IQGAP3: variants seen among roughly 807,000 people sequenced by gnomAD.
The protein encoded by IQGAP3 is ras GTPase-activating-like protein IQGAP3.
In IQGAP3, 165 loss-of-function variants were observed where a neutral mutation model predicts 208.2. The ratio of observed to expected loss-of-function variants is 0.79; its 90% CI spans 0.70 to 0.90. The LOEUF (loss-of-function observed/expected upper bound fraction) is 0.90. Among genes scored for constraint, IQGAP3 ranks in the 40% least tolerant of loss-of-function variants. IQGAP3 has a pLI of 0.00. For synonymous variants in IQGAP3, 703 were observed against 803.6 expected, an observed-to-expected ratio of 0.87 and a Z score of 2.12; for missense variants, 1,811 against 2,043.1, an observed-to-expected ratio of 0.89 and a Z score of 2.19.
Position 156,534,720 on chromosome 1 carries a change from AG to A in IQGAP3, c.3520del (p.Leu1174SerfsTer7). 6.3e-7 allele frequency: 1 copy of A among 1,575,424 alleles called. No homozygotes were observed. The highest frequency in any genetic ancestry group is 8.6e-7 in the Non-Finnish European group (1 of 1,162,098). The part of the protein sequence containing the change: ...DSEVYKVVGN[L>X]LYYRFLNPAV... ...TGGGTTCAGGAAGCGGTAGTACAGG[AG>A]GTTCCCGACCACCTGAGGGCAAAGG... is the stretch of plus-strand genomic sequence containing the variant. On this transcript the variant is annotated frameshift_variant, in exon 29 of 38. Transcript: ENST00000361170. LOFTEE classifies it high-confidence loss of function.
Position 156,528,919 on chromosome 1 carries a change from G to A in IQGAP3, c.4568C>T (p.Ser1523Phe). ...AGTACGGGAAAGCAGCACCTACTTG[G>A]AGTCGGGGGCCAGGTGGTCCAGGCA... ...RACLDHLAPD[S>F]KSSGKGKKQP... Residue 1523 changes from serine (S) to phenylalanine (F), a missense_variant, in exon 35 of 38, where the codon TCC becomes TTC. Ser to Phe is a radical substitution (Grantham distance 155). Transcript: ENST00000361170. 6 of 1,614,220 alleles carry A rather than the reference G, an allele frequency of 3.7e-6. No individual in the cohort carries two copies. The highest frequency in any genetic ancestry group is 4.2e-6 in the Non-Finnish European group (5 of 1,180,034).
chr1:156,552,698 A>G (rs1260980284), intron 13 of IQGAP3, among the ~76,000 whole-genome samples: 2 of 152,190 alleles, frequency 1.3e-5, no homozygotes, highest in Non-Finnish European at 2.9e-5. Context: ...GATTACTCCA[A>G]TAGCTGTCTA....
intron 13 of IQGAP3, 40 bp from the exon 14 acceptor site, chr1:156,552,135 G>C (rs1675584271): frequency 1.2e-6 from 2 of 1,602,514 alleles, no homozygotes; most frequent in Non-Finnish European, 1.7e-6. Flanking sequence ...AGTAGCATGT[G>C]AATCATCAGC....
intron 2 of IQGAP3, among the ~76,000 whole-genome samples, chr1:156,567,332 G>GAGCAGCACAAAGGGACAGAACGACCAC (rs1242422398): frequency 6.6e-6 from 1 of 152,198 alleles, no homozygotes; most frequent in Non-Finnish European, 1.5e-5. Flanking sequence ...GGTGGAAGGG[G>GAGCAGCACAAAGGGACAGAACGACCAC]AGCAGCACAA....
At chr1:156,548,324 T>G in intron 18 of IQGAP3, 24 bp downstream of exon 18, 1 of 1,611,660 alleles carries the variant, frequency 6.2e-7, no homozygotes, top group Non-Finnish European at 8.5e-7. Context: ...CAAGATCCCC[T>G]ACCCTTGCAG....
chr1:156,552,308 A>G (rs1332131653), intron 13 of IQGAP3, among the ~76,000 whole-genome samples: 2 of 151,908 alleles, frequency 1.3e-5, no homozygotes, highest in African/African-American at 4.8e-5. Flanking sequence ...CAGTCTTCAG[A>G]CCTCTTCTCT....
rs115126989 is a variant in IQGAP3, at chr1:156,559,380, A to G, written c.1129+1554T>C. On this transcript the variant is annotated intron_variant, in intron 11 of 37. Transcript: ENST00000361170. ...GCTTAAAAGGGGCTGTGGTGCCTCA[A>G]TGTAGTCTGAGTTTACAAACTCTGT... Among the ~76,000 whole-genome samples, 1,490 of 152,326 alleles carry G rather than the reference A, an allele frequency of 9.8e-3. 30 individuals carry two copies. The highest frequency in any genetic ancestry group is 0.034 in the African/African-American group (1,410 of 41,558).
At chr1:156,534,792 C>T in intron 28 of IQGAP3, 59 bp from the exon 29 acceptor site, 1 of 1,275,420 alleles carries the variant, frequency 7.8e-7, no homozygotes, top group East Asian at 2.6e-5. Context: ...TGGTGCGGCC[C>T]CACATTCTCA....
At chr1:156,534,377 C>G in intron 29 of IQGAP3, 124 bp downstream of exon 29, 1 of 919,960 alleles carries the variant, frequency 1.1e-6, no homozygotes, top group South Asian at 1.7e-5. Context: ...TATCCTCCAC[C>G]CCGCTCATTA....
At chr1:156,551,420 G>A (rs544793906) in intron 15 of IQGAP3, among the ~76,000 whole-genome samples, 3 of 152,202 alleles carry the variant, frequency 2.0e-5, no homozygotes, top group Non-Finnish European at 2.9e-5. Context: ...TGAGTAAATA[G>A]AGCTCAGAGA....
intron 4 of IQGAP3, 93 bp from the exon 5 acceptor site, chr1:156,564,784 A>T: frequency 2.3e-6 from 2 of 860,372 alleles, no homozygotes; most frequent in Non-Finnish European, 4.0e-6. Flanking sequence ...CTTCCTCTCC[A>T]ACCTGAGGTG....
intron 3 of IQGAP3, 113 bp downstream of exon 3, chr1:156,566,277 C>T: frequency 7.9e-7 from 1 of 1,269,648 alleles, no homozygotes; most frequent in South Asian, 1.4e-5. Context: ...TAATAACACT[C>T]CCTTTTATCC....
At chr1:156,560,726 C>T (rs1676110010) in intron 11 of IQGAP3, among the ~76,000 whole-genome samples, 1 of 152,166 alleles carries the variant, frequency 6.6e-6, no homozygotes, top group Admixed American at 6.5e-5. Context: ...ATTGGCATGT[C>T]ATTATCTCTA....
chr1:156,550,272 G>C lies in IQGAP3; in HGVS notation c.1814C>G (p.Thr605Arg), dbSNP rs1271551695. Residue 605 changes from threonine to arginine, a missense_variant, in exon 16 of 38, where the codon ACA becomes AGA. Thr to Arg is a moderately conservative substitution (Grantham distance 71). Coordinates refer to ENST00000361170, the MANE Select transcript of IQGAP3 (RefSeq NM_178229.5). ...GVVRANQDTN[T>R]AQRMALGVAA... is the part of the protein sequence containing the mutation. ...ACCAGTCCATTTACTTCTCTGAGCT[G>C]TATTAGTGTCCTGGTTGGCTCTGAC... 1 of 1,611,566 alleles carries C rather than the reference G, an allele frequency of 6.2e-7. No individual in the cohort carries two copies. Among genetic ancestry groups the C allele is most frequent in the Non-Finnish European group, 8.5e-7 (1 of 1,177,940 alleles).
chr1:156,549,489 A>G (rs915556078), intron 16 of IQGAP3, among the ~76,000 whole-genome samples: 12 of 145,532 alleles, frequency 8.2e-5, no homozygotes, highest in African/African-American at 3.2e-4. Context: ...AAAAAAAAAG[A>G]AAAAAAAAAT....
At chr1:156,563,481 A>G (rs1293964714) in intron 7 of IQGAP3, 72 bp downstream of exon 7, 8 of 1,404,772 alleles carry the variant, frequency 5.7e-6, no homozygotes, top group Non-Finnish European at 7.8e-6. Context: ...GAACCCATCC[A>G]ATGGCTGTGA....
In IQGAP3 at chr1:156,539,851, A is replaced by C. The variant is rs1300637121; in HGVS notation, c.2879T>G (p.Phe960Cys). Residue 960 changes from phenylalanine (F) to cysteine (C), a missense_variant, in exon 24 of 38, where the codon TTC (phenylalanine) becomes TGC (cysteine). Coordinates refer to ENST00000361170, the MANE Select transcript of IQGAP3 (RefSeq NM_178229.5). ...RQKLEAYQHL[F>C]YLLQTQPIYL... ...TCCTCTGCTAACCTGGAGCAGGTAG[A>C]AGAGGTGTTGGTATGCTTCTAGTTT... The C allele has an allele frequency of 2.5e-6, 4 of 1,614,182 alleles. No homozygotes were observed. Among genetic ancestry groups the C allele is most frequent in the Non-Finnish European group, 3.4e-6 (4 of 1,180,014 alleles).
At position 156,548,620 on chromosome 1, in the gene IQGAP3, G is replaced by T; in HGVS notation, c.1954C>A (p.Arg652=). 6.2e-7 allele frequency: 1 copy of T among 1,608,540 alleles called. No individual in the cohort carries two copies. The highest frequency in any genetic ancestry group is 1.1e-5 in the South Asian group (1 of 90,496). Residue 652 remains arginine (R), a synonymous_variant, in exon 17 of 38, where the codon CGA becomes AGA. Coordinates refer to ENST00000361170, the MANE Select transcript of IQGAP3 (RefSeq NM_178229.5). Reference sequence around the variant, plus strand: ...TTTGCCATGGCACTTTCCAGGGCTCGCTGGTAGCCGTTGGCACAGTCGGGA... The same window carrying T: ...TTTGCCATGGCACTTTCCAGGGCTCTCTGGTAGCCGTTGGCACAGTCGGGA... ...VVPDCANGYQ[R]ALESAMAKKQ...
intron 11 of IQGAP3, among the ~76,000 whole-genome samples, chr1:156,559,498 A>C (rs1338371110): frequency 6.6e-6 from 1 of 152,252 alleles, no homozygotes; most frequent in African/African-American, 2.4e-5. Flanking sequence ...CCTACAGTGC[A>C]CTGCTGTCAA....
Sources: gnomAD v4.1 joint callset for allele counts (sites outside exome capture counted in the v4.1 genomes callset) on GRCh38, gnomAD v4.1.1 for gene constraint, MANE v1.5 for transcripts, NCBI Gene and HGNC (gene_info 2026-07-23, HGNC 2026-07-21) for gene names.